Variants in LRRC73 observed in about 807,000 individuals in gnomAD.
LRRC73 encodes the protein leucine-rich repeat-containing protein 73.
LRRC73 carries 16 observed loss-of-function variants against 26.4 expected under a neutral mutation model. That is an observed-to-expected ratio of 0.61 (90% CI 0.41 to 0.92). The LOEUF is 0.92. LRRC73 is among the 40% of genes least tolerant of loss of function. The probability of loss-of-function intolerance (pLI) is 0.00; values close to 1 mark genes in which losing one functional copy is unlikely to be tolerated. For synonymous variants in LRRC73, 210 were observed against 179.8 expected (o/e 1.17, Z -1.34); for missense variants, 344 against 416.3 (o/e 0.83, Z 1.51).
chr6:43,509,028 C>A (rs1397023922), intron 1 of LRRC73, 108 bp from the exon 2 acceptor site: 4 of 1,151,282 alleles, frequency 3.5e-6, no homozygotes, highest in Non-Finnish European at 4.7e-6. Context: ...GCAGTCACAG[C>A]GCTTGAGAGG....
Position 43,508,661 on chromosome 6 carries a change from C to T in LRRC73, c.433+99G>A, listed in dbSNP as rs1792579237. On this transcript the variant is annotated intron_variant, in intron 2 of 5. Coordinates refer to ENST00000372441, the Ensembl canonical transcript of LRRC73. ...TGAGAGGAGTAGAAAGATGTTCTCG[C>T]CCACATCATCAGAGCTCTGGGGCCA... 2.7e-6 allele frequency: 4 copies of T among 1,483,858 alleles called. No homozygotes were observed. The African/African-American group carries it at 4.2e-5, about 16-fold the overall frequency. 91.9% of individuals were successfully genotyped at this position (1,483,858 alleles called of 1,614,324 possible). A position where few individuals can be genotyped will look rare whatever the true frequency, so the allele number is the denominator to read the frequency against.
chr6:43,508,000 T>C, intron 3 of LRRC73, 74 bp from the exon 4 acceptor site: 2 of 1,319,384 alleles, frequency 1.5e-6, no homozygotes, highest in African/African-American at 2.9e-5. Context: ...CCCATTGCCT[T>C]AACAACTTTA....
rs1792572189 is a variant in LRRC73, at chr6:43,508,440, G to A, written c.434-20C>T. 3.1e-6 allele frequency: 5 copies of A among 1,613,274 alleles called. No individual in the cohort carries two copies. Among genetic ancestry groups the A allele is most frequent in the Non-Finnish European group, 4.2e-6 (5 of 1,179,866 alleles). ...TCAAGCCTGGGCAGCATCATAGCAAGAAACCAGAATAGGGAGGGTTAAGCC... is the reference window on the plus strand; with the variant it reads ...TCAAGCCTGGGCAGCATCATAGCAAAAAACCAGAATAGGGAGGGTTAAGCC... On this transcript the variant is annotated intron_variant, in intron 2 of 5. Coordinates refer to ENST00000372441, the Ensembl canonical transcript of LRRC73.
chr6:43,509,484 C>G, intron 1 of LRRC73, 30 bp downstream of exon 1: 1 of 1,584,518 alleles, frequency 6.3e-7, no homozygotes, highest in South Asian at 1.1e-5. Context: ...GTGCAGTGCC[C>G]GGGACCCCCT....
rs367693858 is a variant in LRRC73, at chr6:43,507,816, G to A, written c.657+10C>T. 350 of 1,612,812 alleles carry A rather than the reference G, an allele frequency of 2.2e-4. No homozygotes were observed. The highest frequency in any genetic ancestry group is 2.7e-4 in the Non-Finnish European group (320 of 1,179,334). On this transcript the variant is annotated intron_variant, in intron 4 of 5. Coordinates refer to ENST00000372441, the Ensembl canonical transcript of LRRC73. ...TCCCCTGGCCGTGCCCAAACATGAC[G>A]ACTTCCCACCTGAGCTGACTGGTTG...
Position 43,508,342 on chromosome 6 carries a change from TG to T in LRRC73, c.511del (p.His171ThrfsTer25). 6.2e-7 allele frequency: 1 copy of T among 1,613,592 alleles called. No individual in the cohort carries two copies. ...ATTGAGGACGCGGACCTGGGAGCTGTGGGCCACGGCAATGGCAAGGCGGCTC... is the reference window on the plus strand; with the variant it reads ...ATTGAGGACGCGGACCTGGGAGCTGTGGCCACGGCAATGGCAAGGCGGCTC... On this transcript the variant is annotated frameshift_variant, in exon 3 of 6. Transcript: ENST00000372441. LOFTEE classifies it high-confidence loss of function.
rs1051221046 is a variant in LRRC73, at chr6:43,509,683, G to A, written c.103C>T (p.Leu35=). 29 of 1,592,772 alleles carry A rather than the reference G, an allele frequency of 1.8e-5. No homozygotes were observed. The Admixed American group carries it at 2.4e-4, about 13-fold the overall frequency. Reference sequence around the variant, plus strand: ...CGGTCGCAGAGGCGGCAGCCGCGCAGTGAGAGCAGGCGCACGGCGTTGTCG... The same window carrying A: ...CGGTCGCAGAGGCGGCAGCCGCGCAATGAGAGCAGGCGCACGGCGTTGTCG... The change falls in exon 1 of 6, where the codon CTG becomes TTG. Residue 35 remains leucine (L), a synonymous_variant. Coordinates refer to ENST00000372441, the Ensembl canonical transcript of LRRC73.
chr6:43,507,089 C>T, exon 6 of LRRC73: 1 of 783,088 alleles, frequency 1.3e-6, no homozygotes, highest in East Asian at 2.7e-5. Context: ...CCAGAGCTTC[C>T]TTCCCACCAC....
intron 2 of LRRC73, 125 bp from the exon 3 acceptor site, chr6:43,508,545 G>C (rs2127681331): frequency 6.8e-7 from 1 of 1,466,894 alleles, no homozygotes; most frequent in Non-Finnish European, 9.2e-7. Flanking sequence ...CCACCATAGA[G>C]GTCAAGAGCC....
exon 2 of LRRC73, chr6:43,508,868 G>C: frequency 6.2e-7 from 1 of 1,612,654 alleles, no homozygotes; most frequent in South Asian, 1.1e-5. Flanking sequence ...TGGAGGGCCA[G>C]GGCTGGGTTC....
In LRRC73 at chr6:43,507,666, T is replaced by C. The variant is rs1201194000; in HGVS notation, c.670A>G (p.Met224Val). The C allele has an allele frequency of 1.2e-6, 2 of 1,614,130 alleles. No individual in the cohort carries two copies. Among genetic ancestry groups the C allele is most frequent in the Non-Finnish European group, 1.7e-6 (2 of 1,180,000 alleles). The change falls in exon 5 of 6, where the codon ATG becomes GTG. Residue 224 changes from methionine to valine, a missense_variant. By Grantham distance (21) the Met-to-Val change is conservative. Transcript: ENST00000372441. ...AAAGCTGTGGGGTAATTTTCTACCA[T>C]GTCCAGCAGGGTCTGAAGTGGGGAA... is the stretch of plus-strand genomic sequence containing the variant.
intron 1 of LRRC73, 40 bp downstream of exon 1, chr6:43,509,474 G>A (rs777749824): frequency 1.2e-5 from 19 of 1,575,706 alleles, no homozygotes; most frequent in African/African-American, 2.7e-5. Flanking sequence ...GTATGGAAGG[G>A]TGCAGTGCCC....
intron 1 of LRRC73, 93 bp downstream of exon 1, chr6:43,509,421 G>A: frequency 2.1e-6 from 3 of 1,407,736 alleles, no homozygotes; most frequent in Non-Finnish European, 2.9e-6. Flanking sequence ...AAGGTAGGAT[G>A]GTACTGGAAG....
chr6:43,509,790 C>A, exon 1 of LRRC73: 2 of 1,526,308 alleles, frequency 1.3e-6, no homozygotes, highest in Non-Finnish European at 8.7e-7. Context: ...CAGCATCGTG[C>A]CCACGGCTGG....
chr6:43,508,077 G>A, intron 3 of LRRC73, 151 bp from the exon 4 acceptor site: 1 of 964,526 alleles, frequency 1.0e-6, no homozygotes, highest in Non-Finnish European at 1.5e-6. Flanking sequence ...ATTGTGATTG[G>A]TGAGTGAAGG....
rs1191616375 is a variant in LRRC73 at position 43,508,428 on chromosome 6, G to A, written c.434-8C>T. On this transcript the variant is annotated splice_region_variant and splice_polypyrimidine_tract_variant and intron_variant, in intron 2 of 5. Coordinates refer to ENST00000372441, the Ensembl canonical transcript of LRRC73. ...GCGTTAGCTCCTTCAAGCCTGGGCA[G>A]CATCATAGCAAGAAACCAGAATAGG... The A allele has an allele frequency of 6.2e-7, 1 of 1,613,478 alleles. No homozygotes were observed. The highest frequency in any genetic ancestry group is 1.7e-5 in the Admixed American group (1 of 59,996).
exon 5 of LRRC73, chr6:43,507,544 T>TGAG: frequency 6.2e-7 from 1 of 1,613,904 alleles, no homozygotes; most frequent in South Asian, 1.1e-5. Context: ...CAGCCCCTCC[T>TGAG]GCCACTTCCT....
intron 1 of LRRC73, among the ~76,000 whole-genome samples, 155 bp from the exon 2 acceptor site, chr6:43,509,075 G>A (rs1792589352): frequency 1.4e-5 from 2 of 146,526 alleles, no homozygotes; most frequent in African/African-American, 5.0e-5. Context: ...GATTCTCAGG[G>A]AATACAGATA....
At chr6:43,506,998 G>A (rs148039321) in exon 6 of LRRC73, 134 of 542,094 alleles carry the variant, frequency 2.5e-4, no homozygotes, top group Non-Finnish European at 4.2e-4. Context: ...CCGAGCCAGC[G>A]GGTTGCAGCC....
Sources: allele counts gnomAD v4.1 joint callset (sites outside exome capture counted in the v4.1 genomes callset), GRCh38; gene constraint gnomAD v4.1.1; transcripts MANE v1.5; gene names NCBI Gene and HGNC (gene_info 2026-07-23, HGNC 2026-07-21).